FRMD7: variants seen among roughly 807,000 people sequenced by gnomAD.
FRMD7 encodes FERM domain containing 7.
In FRMD7, 14 loss-of-function variants were observed where a neutral mutation model predicts 44.1. The ratio of observed to expected loss-of-function variants is 0.32; its 90% confidence interval spans 0.21 to 0.50. The LOEUF is 0.50. Among genes scored for constraint, FRMD7 ranks in the 20% least tolerant of loss-of-function variants. The pLI, the probability that FRMD7 is intolerant of heterozygous loss-of-function variation, is 0.99. For synonymous variants in FRMD7, 212 were observed against 187.4 expected, an observed-to-expected ratio of 1.13 and a Z score of -1.07; for missense variants, 501 against 522.3, an observed-to-expected ratio of 0.96 and a Z score of 0.40.
rs1032361633 is a variant in FRMD7, at chrX:132,127,906, T to A, written c.-62A>T. 1 of 972,144 alleles carries A rather than the reference T, an allele frequency of 1.0e-6. No individual in the cohort carries two copies. Among genetic ancestry groups the A allele is most frequent in the East Asian group, 3.1e-5 (1 of 32,764 alleles). The allele number at this position is 972,144 out of a possible 1,213,427, so 80.1% of individuals were successfully genotyped here. On this transcript the variant is annotated 5_prime_UTR_variant, in exon 1 of 12. Transcript: ENST00000298542. ...GTGCTGTGGGTGCTTTCTCCAGGAA[T>A]TTCACTCCCAGCTGGATGTGGTGCA...
intron 1 of FRMD7, among the ~76,000 whole-genome samples, chrX:132,101,940 T>C (rs1928511619): frequency 9.0e-6 from 1 of 111,323 alleles, no homozygotes; most frequent in African/African-American, 3.3e-5. Flanking sequence ...CCCTGGCTGA[T>C]AGGCACAAAG....
At position 132,080,795 on chromosome X, in the gene FRMD7, A is replaced by T. The variant is rs768341577; in HGVS notation, c.906-529T>A. Among the ~76,000 whole-genome samples, 7 of 111,663 alleles carry T rather than the reference A, an allele frequency of 6.3e-5. No homozygotes were observed. The South Asian group carries it at 2.6e-3, about 42-fold the overall frequency. On this transcript the variant is annotated intron_variant, in intron 9 of 11. Coordinates refer to ENST00000298542, the MANE Select transcript of FRMD7 (RefSeq NM_194277.3). ...GTCACTGCACTCCAGCCTGGGCAAC[A>T]CAGCGAGACCCTGTCTCAAATAATA...
chrX:132,110,544 G>A (rs778226405), intron 1 of FRMD7, among the ~76,000 whole-genome samples: 16 of 111,465 alleles, frequency 1.4e-4, no homozygotes, highest in Admixed American at 3.8e-4. Context: ...TCATTTTACC[G>A]TCTTTCATTC....
At chrX:132,084,820 C>T (rs1299875274) in intron 7 of FRMD7, among the ~76,000 whole-genome samples, 1 of 111,218 alleles carries the variant, frequency 9.0e-6, no homozygotes, top group Admixed American at 9.6e-5. Flanking sequence ...AGTTTTCTGG[C>T]CAGCACAGGG....
Position 132,085,952 on chromosome X carries a change from CT to C in FRMD7, c.464del (p.Glu155GlyfsTer26). The C allele has an allele frequency of 8.3e-7, 1 of 1,204,111 alleles. No homozygotes were observed. The highest frequency in any genetic ancestry group is 1.1e-6 in the Non-Finnish European group (1 of 888,462). Reference protein sequence around the residue: ...TRYLPNQDCLEGKIMHFHQKH... With the variant: ...TRYLPNQDCLXGKIMHFHQKH... ...TCTGATGAAAGTGCATGATCTTGCC[CT>C]CTAAACAGTCTTGGTTTGGTAAGTA... On this transcript the variant is annotated frameshift_variant, in exon 6 of 12. Transcript: ENST00000298542. LOFTEE classifies it high-confidence loss of function.
At chrX:132,122,522 G>C (rs1474203869) in intron 1 of FRMD7, among the ~76,000 whole-genome samples, 1 of 112,356 alleles carries the variant, frequency 8.9e-6, no homozygotes, top group Non-Finnish European at 1.9e-5. Context: ...AGGTCATTTA[G>C]ATCCTTTCTC....
chrX:132,125,295 G>T (rs1232117890), intron 1 of FRMD7, among the ~76,000 whole-genome samples: 1 of 111,727 alleles, frequency 9.0e-6, no homozygotes, highest in African/African-American at 3.3e-5. Context: ...TATTTTATCT[G>T]ATCATGTGTC....
chrX:132,080,745 C>A lies in FRMD7; in HGVS notation c.906-479G>T, dbSNP rs556932716. On this transcript the variant is annotated intron_variant, in intron 9 of 11. Coordinates refer to ENST00000298542, the MANE Select transcript of FRMD7 (RefSeq NM_194277.3). ...GGGAGGATTGCTTGAGCCTGGGAGG[C>A]AAGGCTGCAGTGAGCGGAGATCATG... 1.9e-4 allele frequency among the ~76,000 whole-genome samples: 21 copies of A among 111,183 alleles called. No homozygotes were observed. In the East Asian group the frequency reaches 3.7e-3, roughly 20 times the overall value.
intron 1 of FRMD7, among the ~76,000 whole-genome samples, chrX:132,104,821 C>T (rs1928604036): frequency 8.9e-6 from 1 of 112,056 alleles, no homozygotes; most frequent in South Asian, 3.7e-4. Flanking sequence ...CAATTGAGTC[C>T]CATGCTTACT....
At chrX:132,124,542 G>A (rs944744255) in intron 1 of FRMD7, among the ~76,000 whole-genome samples, 2 of 111,576 alleles carry the variant, frequency 1.8e-5, no homozygotes, top group South Asian at 3.7e-4. Context: ...AACACTATTG[G>A]AAGTTCATGA....
chrX:132,105,722 A>T (rs6634868), intron 1 of FRMD7, among the ~76,000 whole-genome samples: 8,121 of 111,350 alleles, frequency 0.073, 260 homozygotes, highest in African/African-American at 0.12. Flanking sequence ...TACAGCCATC[A>T]AATCGTCGAC....
chrX:132,121,242 G>C (rs1428088152), intron 1 of FRMD7, among the ~76,000 whole-genome samples: 1 of 111,844 alleles, frequency 8.9e-6, no homozygotes, highest in Non-Finnish European at 1.9e-5. Flanking sequence ...TCAATGTCCA[G>C]ACAGGATTTT....
chrX:132,110,406 TG>T (rs1928748663), intron 1 of FRMD7, among the ~76,000 whole-genome samples: 1 of 110,942 alleles, frequency 9.0e-6, no homozygotes, highest in Admixed American at 9.6e-5. Context: ...CAGTTGGACT[TG>T]GGGAGGTTAA....
chrX:132,103,447 A>G (rs1928559064), intron 1 of FRMD7, among the ~76,000 whole-genome samples: 1 of 110,814 alleles, frequency 9.0e-6, no homozygotes, highest in Non-Finnish European at 1.9e-5. Context: ...TGGAACTCCA[A>G]TCCTGAATCC....
intron 8 of FRMD7, among the ~76,000 whole-genome samples, chrX:132,084,007 A>G (rs1927903961): frequency 9.0e-6 from 1 of 111,639 alleles, no homozygotes; most frequent in Admixed American, 9.5e-5. Context: ...CTCACCCTTT[A>G]CTATGCAACC....
intron 1 of FRMD7, among the ~76,000 whole-genome samples, chrX:132,124,762 G>C (rs1239637510): frequency 9.0e-6 from 1 of 111,663 alleles, no homozygotes; most frequent in African/African-American, 3.2e-5. Flanking sequence ...ACAGAAAAAG[G>C]AATAACCAAG....
intron 1 of FRMD7, among the ~76,000 whole-genome samples, chrX:132,119,438 G>T (rs1322107207): frequency 9.0e-6 from 1 of 111,502 alleles, no homozygotes; most frequent in Non-Finnish European, 1.9e-5. Context: ...GGTGAATTTC[G>T]TCATCATAGA....
At chrX:132,118,042 T>A (rs1207418719) in intron 1 of FRMD7, among the ~76,000 whole-genome samples, 1 of 111,749 alleles carries the variant, frequency 8.9e-6, no homozygotes, top group African/African-American at 3.3e-5. Flanking sequence ...GAAATATGAA[T>A]ACAAATTATG....
intron 3 of FRMD7, among the ~76,000 whole-genome samples, chrX:132,098,018 A>T (rs1462050334): frequency 9.0e-6 from 1 of 111,413 alleles, no homozygotes; most frequent in African/African-American, 3.3e-5. Flanking sequence ...CAGTTATAAC[A>T]CTCTAAAATG....
Sources: allele counts gnomAD v4.1 joint callset (sites outside exome capture counted in the v4.1 genomes callset), GRCh38; gene constraint gnomAD v4.1.1; transcripts MANE v1.5; gene names NCBI Gene and HGNC (gene_info 2026-07-23, HGNC 2026-07-21).